The following GREB1 variants were observed in gnomAD, a reference collection of about 807,000 sequenced individuals.
The protein encoded by GREB1 is protein GREB1.
GREB1 carries 106 observed loss-of-function variants against 200.7 expected under a neutral mutation model. That is an observed-to-expected ratio of 0.53 (90% CI 0.45 to 0.62). The LOEUF is 0.62. GREB1 is among the 20% of genes least tolerant of loss of function. GREB1 has a pLI of 0.00. For synonymous variants in GREB1, 1,132 were observed against 1,092.4 expected (o/e 1.04, Z -0.72); for missense variants, 2,243 against 2,556.8 (o/e 0.88, Z 2.65).
At chr2:11,494,492 A>G (rs1672836749) in intron 1 of GREB1, among the ~76,000 whole-genome samples, 1 of 152,336 alleles carries the variant, frequency 6.6e-6, no homozygotes, top group East Asian at 1.9e-4. Flanking sequence ...ACTGCTCTAG[A>G]GTTGTTCTCG....
At chr2:11,605,927 T>G (rs1393929639) in intron 17 of GREB1, among the ~76,000 whole-genome samples, 1 of 152,258 alleles carries the variant, frequency 6.6e-6, no homozygotes. Context: ...GTACAAAGCT[T>G]TGTATAGACA....
At chr2:11,628,001 T>C (rs1297432229) in intron 25 of GREB1, among the ~76,000 whole-genome samples, 2 of 151,992 alleles carry the variant, frequency 1.3e-5, no homozygotes, top group Non-Finnish European at 2.9e-5. Context: ...GTGATGTGGG[T>C]TGGGTGTTTC....
intron 23 of GREB1, among the ~76,000 whole-genome samples, chr2:11,623,997 G>A (rs1684222185): frequency 6.6e-6 from 1 of 152,190 alleles, no homozygotes; most frequent in Non-Finnish European, 1.5e-5. Flanking sequence ...TTGATCAGTT[G>A]CACAATGTGT....
intron 1 of GREB1, among the ~76,000 whole-genome samples, chr2:11,539,480 G>A (rs116041682): frequency 1.3e-5 from 2 of 152,146 alleles, no homozygotes; most frequent in African/African-American, 4.8e-5. Flanking sequence ...TTAGGTCCAC[G>A]CTACCTGTAG....
At chr2:11,602,348 C>T in intron 16 of GREB1, 58 bp from the exon 17 acceptor site, 1 of 1,555,752 alleles carries the variant, frequency 6.4e-7, no homozygotes, top group Non-Finnish European at 8.8e-7. Flanking sequence ...GGCACACGAA[C>T]CTCTGACCGT....
intron 26 of GREB1, 45 bp downstream of exon 26, chr2:11,630,154 C>T: frequency 6.3e-7 from 1 of 1,593,518 alleles, no homozygotes; most frequent in Non-Finnish European, 8.6e-7. Flanking sequence ...GTGGCTTCAA[C>T]TGGGGACTGA....
At chr2:11,592,211 G>A in intron 10 of GREB1, 1 of 356,968 alleles carries the variant, frequency 2.8e-6, no homozygotes, top group Non-Finnish European at 3.8e-6. Flanking sequence ...TTTAACAACA[G>A]CAGTGTTTTG....
chr2:11,635,913 A>G (rs1031039641), intron 30 of GREB1, among the ~76,000 whole-genome samples: 3 of 152,166 alleles, frequency 2.0e-5, no homozygotes, highest in Non-Finnish European at 4.4e-5. Flanking sequence ...CCAGGAAGCA[A>G]TGCAGCAGGT....
chr2:11,558,056 A>G (rs1268818631), intron 2 of GREB1, among the ~76,000 whole-genome samples: 1 of 152,204 alleles, frequency 6.6e-6, no homozygotes, highest in Non-Finnish European at 1.5e-5. Flanking sequence ...GTTTATTTGA[A>G]TGATACCTTA....
intron 17 of GREB1, among the ~76,000 whole-genome samples, chr2:11,605,225 CT>C (rs1171453389): frequency 8.9e-6 from 1 of 112,332 alleles, no homozygotes; most frequent in African/African-American, 3.4e-5. Context: ...GACCGTATAT[CT>C]TTTTTTTTCT....
At chr2:11,585,386 G>T in intron 8 of GREB1, 112 bp downstream of exon 8, 3 of 659,278 alleles carry the variant, frequency 4.6e-6, no homozygotes, top group Non-Finnish European at 7.7e-6. Context: ...GAATGTGCGT[G>T]TGTACTGATG....
In GREB1 at chr2:11,633,541, C is replaced by G. The variant is rs6726791; in HGVS notation, c.4991+478C>G. ...ATGGCGCCACTGCACTCCAGCCTGG[C>G]AGACAGAGCGAGACTCCGTCTAAAA... On this transcript the variant is annotated intron_variant, in intron 28 of 32. Transcript: ENST00000381486. This position sits in a 1 kb window ranked among gnomAD's most constrained non-coding sequence, Gnocchi z 4.1. Among the ~76,000 whole-genome samples, 67,944 of 148,654 alleles carry G rather than the reference C, an allele frequency of 0.46. 15,835 individuals are homozygous for G. Among genetic ancestry groups the G allele is most frequent in the Non-Finnish European group, 0.51 (34,206 of 67,386 alleles).
chr2:11,538,607 GTGTTTCTTTCTTTCTT>G (rs1422017226), intron 1 of GREB1, among the ~76,000 whole-genome samples: 12 of 144,658 alleles, frequency 8.3e-5, no homozygotes, highest in African/African-American at 3.0e-4. Flanking sequence ...ACAGGAGCTT[GTGTTTCTTTCTTTCTT>G]TCTTTCTTTC....
At chr2:11,512,533 G>GA (rs1673379828) in intron 1 of GREB1, among the ~76,000 whole-genome samples, 1 of 152,152 alleles carries the variant, frequency 6.6e-6, no homozygotes, top group African/African-American at 2.4e-5. Context: ...TAAAGCTTTA[G>GA]AAAAAAATGA....
At chr2:11,490,247 G>A (rs11893713) in intron 1 of GREB1, among the ~76,000 whole-genome samples, 61,274 of 151,900 alleles carry the variant, frequency 0.4, 15,278 homozygotes, top group East Asian at 0.65. Flanking sequence ...CCACGACTCT[G>A]CCTTTTGCCT....
intron 30 of GREB1, among the ~76,000 whole-genome samples, chr2:11,636,218 T>G (rs1203058191): frequency 1.3e-5 from 2 of 152,198 alleles, no homozygotes; most frequent in African/African-American, 4.8e-5. Context: ...AGGCCCCCAC[T>G]TACAGCATCA....
At chr2:11,581,681 C>CT (rs1679498324) in intron 7 of GREB1, among the ~76,000 whole-genome samples, 1 of 152,202 alleles carries the variant, frequency 6.6e-6, no homozygotes, top group South Asian at 2.1e-4. Flanking sequence ...TCTCGTCTTT[C>CT]TTTCCTCCAT....
chr2:11,596,715 A>G lies in GREB1; in HGVS notation c.1954+476A>G, dbSNP rs1485425765. On this transcript the variant is annotated intron_variant, in intron 13 of 32. Coordinates refer to ENST00000381486, the MANE Select transcript of GREB1 (RefSeq NM_014668.4). ...GTGGGGCACAGGTGTGTACAGTGAGAGAGGGTAGGGCACTGGTTTGTACAG... is the reference window on the plus strand; with the variant it reads ...GTGGGGCACAGGTGTGTACAGTGAGGGAGGGTAGGGCACTGGTTTGTACAG... Among the ~76,000 whole-genome samples the G allele has an allele frequency of 4.2e-5, 3 of 71,620 alleles. No individual in the cohort carries two copies. The East Asian group carries it at 1.5e-3, about 37-fold the overall frequency. The allele number at this position is 71,620 out of a possible 152,430, so 47.0% of individuals were successfully genotyped here. A position where few individuals can be genotyped will look rare whatever the true frequency, so the allele number is the denominator to read the frequency against.
chr2:11,587,785 T>G (rs1680316929), intron 9 of GREB1: 2 of 1,095,790 alleles, frequency 1.8e-6, no homozygotes, highest in Non-Finnish European at 1.1e-6. Flanking sequence ...ATTTGATAGC[T>G]TCACCGCTTC....
Sources: gnomAD v4.1 joint callset for allele counts (sites outside exome capture counted in the v4.1 genomes callset) on GRCh38, gnomAD v4.1.1 for gene constraint, Gnocchi (gnomAD v3.1) non-coding constraint, MANE v1.5 for transcripts, NCBI Gene and HGNC (gene_info 2026-07-23, HGNC 2026-07-21) for gene names.